DHX8: variants seen among roughly 807,000 people sequenced by gnomAD.
The protein encoded by DHX8 is DEAH-box helicase 8.
Under a neutral mutation model 140.7 loss-of-function variants are expected in DHX8, and 67 were observed. That is an observed-to-expected ratio of 0.48 (90% CI 0.39 to 0.58). The LOEUF is 0.58. DHX8 is among the 20% of genes least tolerant of loss of function. The pLI is 0.00. For missense variants in DHX8, 887 were observed against 1,550.7 expected, an observed-to-expected ratio of 0.57 and a Z score of 7.19; for synonymous variants, 533 against 553.2, an observed-to-expected ratio of 0.96 and a Z score of 0.51.
chr17:43,500,667 C>T (rs1300476804), intron 11 of DHX8, among the ~76,000 whole-genome samples: 1 of 151,928 alleles, frequency 6.6e-6, no homozygotes, highest in Non-Finnish European at 1.5e-5. Flanking sequence ...AATCCCAGCA[C>T]TTTGGGAGGC....
At chr17:43,537,101 C>T (rs1971280497) in intron 3 of DHX8, among the ~76,000 whole-genome samples, 1 of 152,236 alleles carries the variant, frequency 6.6e-6, no homozygotes, top group African/African-American at 2.4e-5. Context: ...CATGGTGGCT[C>T]ACGCCTATAA....
chr17:43,530,449 C>T, downstream of DHX8: 1 of 1,358,694 alleles, frequency 7.4e-7, no homozygotes, highest in Non-Finnish European at 9.5e-7. Flanking sequence ...TCTGAAGGGC[C>T]CAAGCTGCCA....
downstream of DHX8, among the ~76,000 whole-genome samples, chr17:43,531,621 T>C (rs888372405): frequency 6.6e-6 from 1 of 152,158 alleles, no homozygotes; most frequent in Non-Finnish European, 1.5e-5. Flanking sequence ...TGAGAATCGC[T>C]TGAACCCAGT....
intron 11 of DHX8, among the ~76,000 whole-genome samples, chr17:43,504,357 A>G (rs1405262065): frequency 4.0e-5 from 6 of 151,370 alleles, no homozygotes; most frequent in Non-Finnish European, 1.5e-5. Context: ...GACCCTACCT[A>G]AAAAAAAATA....
At chr17:43,501,725 T>TC (rs56041789) in intron 11 of DHX8, among the ~76,000 whole-genome samples, 4,324 of 150,764 alleles carry the variant, frequency 0.029, 82 homozygotes, top group Non-Finnish European at 0.045. Flanking sequence ...CCTCAGGTGA[T>TC]CCCCCCCCCA....
In DHX8 at chr17:43,493,046, G is replaced by T. The variant is rs1968632018; in HGVS notation, c.863+6G>T. 6.2e-7 allele frequency: 1 copy of T among 1,609,828 alleles called. No individual in the cohort carries two copies. Among genetic ancestry groups the T allele is most frequent in the South Asian group, 1.1e-5 (1 of 90,892 alleles). ...GTGCAGCTGGAAGGACTAAGGTAAT[G>T]ACTGGTGCTCTTTTGTTCACACCAG... On this transcript the variant is annotated splice_donor_region_variant and intron_variant, in intron 6 of 22. Coordinates refer to ENST00000262415, the MANE Select transcript of DHX8 (RefSeq NM_004941.3).
Position 43,521,428 on chromosome 17 carries a change from C to T in DHX8, c.3126C>T (p.His1042=), listed in dbSNP as rs761735446. 6.2e-7 allele frequency: 1 copy of T among 1,613,882 alleles called. No individual in the cohort carries two copies. Among genetic ancestry groups the T allele is most frequent in the African/African-American group, 1.3e-5 (1 of 74,874 alleles). ...KAKFHQTEGD[H]LTLLAVYNSW... is the part of the protein sequence containing the mutation. The stretch of plus-strand genomic sequence containing the variant: ...AATTCCACCAGACTGAAGGGGACCA[C>T]CTCACCCTGCTAGCTGTGTACAACT... Residue 1042 remains histidine, a synonymous_variant, in exon 21 of 23, where the codon CAC becomes CAT. Coordinates refer to ENST00000262415, the MANE Select transcript of DHX8 (RefSeq NM_004941.3).
chr17:43,506,948 C>T, intron 12 of DHX8, 55 bp from the exon 13 acceptor site: 4 of 1,334,994 alleles, frequency 3.0e-6, no homozygotes, highest in East Asian at 2.4e-5. Flanking sequence ...GTTTAATGAC[C>T]ATATTTATAT....
intron 18 of DHX8, chr17:43,517,935 A>G (rs1397178221): frequency 6.6e-6 from 1 of 152,092 alleles, no homozygotes; most frequent in Non-Finnish European, 1.5e-5. Flanking sequence ...GTTGTCATTT[A>G]TTATTTATTC....
intron 1 of DHX8, among the ~76,000 whole-genome samples, chr17:43,487,648 G>C (rs1968246222): frequency 6.6e-6 from 1 of 152,130 alleles, no homozygotes; most frequent in Admixed American, 6.6e-5. Context: ...GCCACTGTCT[G>C]AAAGTAGCTT....
At chr17:43,528,793 G>A, downstream of DHX8, 1 of 1,506,360 alleles carries the variant, frequency 6.6e-7, no homozygotes. Flanking sequence ...CCCAGCCTTT[G>A]TATGGGGTAA....
chr17:43,526,288 C>T, downstream of DHX8: 1 of 1,368,534 alleles, frequency 7.3e-7, no homozygotes, highest in Non-Finnish European at 9.5e-7. Flanking sequence ...ATCTTCTTGG[C>T]CATTAAAGTA....
At chr17:43,528,485 A>C (rs755899580), downstream of DHX8, 9 of 1,439,524 alleles carry the variant, frequency 6.3e-6, no homozygotes, top group Non-Finnish European at 7.7e-6. Context: ...ACAGGGCAGC[A>C]CCCACCTGCG....
chr17:43,491,778 A>G (rs1968532236), intron 4 of DHX8, among the ~76,000 whole-genome samples: 1 of 152,182 alleles, frequency 6.6e-6, no homozygotes, highest in Non-Finnish European at 1.5e-5. Context: ...ATAAACAAAC[A>G]AATAGGTATG....
chr17:43,508,227 A>T, intron 15 of DHX8, 112 bp from the exon 16 acceptor site: 3 of 1,407,682 alleles, frequency 2.1e-6, no homozygotes, highest in Non-Finnish European at 2.9e-6. Context: ...TACTGGTCAG[A>T]ATATGAATGC....
chr17:43,498,000 C>T (rs185553229), intron 9 of DHX8, among the ~76,000 whole-genome samples: 197 of 152,304 alleles, frequency 1.3e-3, no homozygotes, highest in Middle Eastern at 3.4e-3. Context: ...AGCATTTTCT[C>T]ACAGGCTTAA....
downstream of DHX8, among the ~76,000 whole-genome samples, chr17:43,531,477 T>C (rs1970934057): frequency 6.6e-6 from 1 of 152,158 alleles, no homozygotes. Flanking sequence ...GGCTCAAATA[T>C]GTAAGCCACA....
At chr17:43,528,588 G>C (rs1301957039), downstream of DHX8, 1 of 1,614,114 alleles carries the variant, frequency 6.2e-7, no homozygotes. Context: ...GGTAGGCGGG[G>C]CTCTCATCCA....
At chr17:43,490,848 T>C (rs1247341668) in intron 3 of DHX8, among the ~76,000 whole-genome samples, 1 of 152,134 alleles carries the variant, frequency 6.6e-6, no homozygotes, top group Non-Finnish European at 1.5e-5. Context: ...TACTTTAGCC[T>C]GAGTGACAGA....
Sources: gnomAD v4.1 joint callset for allele counts (sites outside exome capture counted in the v4.1 genomes callset) on GRCh38, gnomAD v4.1.1 for gene constraint, MANE v1.5 for transcripts, NCBI Gene and HGNC (gene_info 2026-07-23, HGNC 2026-07-21) for gene names.